Variants in CADM2 observed in about 807,000 individuals in gnomAD.
The protein encoded by CADM2 is immunoglobulin superfamily member 4D.
A neutral mutation model predicts 49.8 loss-of-function variants in CADM2; 12 were observed. That is an observed-to-expected ratio of 0.24 (90% CI 0.15 to 0.39). The LOEUF (loss-of-function observed/expected upper bound fraction) is 0.39, where lower values mean the gene tolerates loss of function less well. CADM2 is among the 10% of genes least tolerant of loss of function. The probability of loss-of-function intolerance (pLI) is 1.00; values close to 1 mark genes in which losing one functional copy is unlikely to be tolerated. For missense variants in CADM2, 378 were observed against 492.3 expected, an observed-to-expected ratio of 0.77 and a Z score of 2.20; for synonymous variants, 214 against 175.4, an observed-to-expected ratio of 1.22 and a Z score of -1.74.
rs1228852713 is a variant in CADM2 at position 86,017,734 on chromosome 3, A to C, written c.971-47871A>C. Reference sequence around the variant, plus strand: ...CACCAGGAGACCCTGTCTCCAAAAAAAAAAAAAGAAAGAAAAAGAAGAAGA... The same window carrying C: ...CACCAGGAGACCCTGTCTCCAAAAACAAAAAAAGAAAGAAAAAGAAGAAGA... On this transcript the variant is annotated intron_variant, in intron 8 of 9. Coordinates refer to ENST00000383699, the MANE Select transcript of CADM2 (RefSeq NM_001167675.2). Among the ~76,000 whole-genome samples, 5 of 151,562 alleles carry C rather than the reference A, an allele frequency of 3.3e-5. No individual in the cohort carries two copies. The South Asian group carries it at 1.0e-3, about 31-fold the overall frequency.
At chr3:85,407,280 C>T (rs1055746392) in intron 1 of CADM2, among the ~76,000 whole-genome samples, 1 of 152,110 alleles carries the variant, frequency 6.6e-6, no homozygotes, top group Non-Finnish European at 1.5e-5. Context: ...AATATAGAGC[C>T]AAATTAATAT....
chr3:85,261,444 G>A (rs919145707), intron 1 of CADM2, among the ~76,000 whole-genome samples: 2 of 152,026 alleles, frequency 1.3e-5, no homozygotes, highest in Non-Finnish European at 2.9e-5. Flanking sequence ...TCTGATCAGT[G>A]TTTATCATAA....
chr3:85,431,076 A>G (rs1224623494), intron 1 of CADM2, among the ~76,000 whole-genome samples: 2 of 152,138 alleles, frequency 1.3e-5, no homozygotes, highest in African/African-American at 4.8e-5. Context: ...TTTTTACTGT[A>G]CCTTTTCTAT....
Position 85,947,551 on chromosome 3 carries a change from GA to G in CADM2, c.791+11704del, listed in dbSNP as rs903510966. Among the ~76,000 whole-genome samples the G allele has an allele frequency of 1.3e-3, 185 of 147,388 alleles. 3 individuals are homozygous for G. The Middle Eastern group carries it at 0.014, about 11-fold the overall frequency. On this transcript the variant is annotated intron_variant, in intron 7 of 9. Coordinates refer to ENST00000383699, the MANE Select transcript of CADM2 (RefSeq NM_001167675.2). ...AAATTCATTCTAAATTTTCAAAATT[GA>G]AAAAAAAAATGTGTGCAGTCCTTTC... is the stretch of plus-strand genomic sequence containing the variant.
chr3:84,978,810 T>G (rs996002278), intron 1 of CADM2, among the ~76,000 whole-genome samples: 3 of 152,336 alleles, frequency 2.0e-5, no homozygotes, highest in African/African-American at 7.2e-5. Flanking sequence ...AGGGGAAATT[T>G]TACATAAGAA....
intron 2 of CADM2, among the ~76,000 whole-genome samples, chr3:85,746,477 A>G (rs2068625834): frequency 6.6e-6 from 1 of 152,080 alleles, no homozygotes; most frequent in African/African-American, 2.4e-5. Flanking sequence ...ATATAACTGC[A>G]TTTTTCTAAA....
At chr3:85,366,805 C>A (rs2032820510) in intron 1 of CADM2, among the ~76,000 whole-genome samples, 2 of 151,852 alleles carry the variant, frequency 1.3e-5, no homozygotes, top group South Asian at 4.2e-4. Flanking sequence ...AATTTTATGT[C>A]AATCTTTTAT....
intron 1 of CADM2, among the ~76,000 whole-genome samples, chr3:85,557,232 C>T (rs1422550262): frequency 1.3e-5 from 2 of 151,728 alleles, no homozygotes; most frequent in East Asian, 1.9e-4. Context: ...AATGTATATA[C>T]ACATATATTT....
chr3:85,381,811 A>T (rs1376287907), intron 1 of CADM2, among the ~76,000 whole-genome samples: 1 of 151,928 alleles, frequency 6.6e-6, no homozygotes, highest in African/African-American at 2.4e-5. Context: ...TGTTGTAAGG[A>T]TGTCTCTACC....
At chr3:85,922,066 C>G (rs1322086705) in intron 6 of CADM2, among the ~76,000 whole-genome samples, 1 of 152,022 alleles carries the variant, frequency 6.6e-6, no homozygotes, top group African/African-American at 2.4e-5. Context: ...GATGATTCTG[C>G]TGCTGCTGCA....
chr3:85,493,097 A>C (rs2039744982), intron 1 of CADM2, among the ~76,000 whole-genome samples: 1 of 152,162 alleles, frequency 6.6e-6, no homozygotes, highest in African/African-American at 2.4e-5. Context: ...TCTGCTTTTT[A>C]AATTGGATAC....
intron 1 of CADM2, among the ~76,000 whole-genome samples, chr3:85,236,158 G>A (rs183360903): frequency 1.2e-4 from 18 of 152,144 alleles, no homozygotes; most frequent in African/African-American, 3.6e-4. Flanking sequence ...ACATCCATCC[G>A]TGCACTAGCT....
At chr3:85,878,854 CTCTG>C (rs1199341628) in intron 3 of CADM2, among the ~76,000 whole-genome samples, 1 of 152,000 alleles carries the variant, frequency 6.6e-6, no homozygotes, top group Non-Finnish European at 1.5e-5. Flanking sequence ...GAATTGTAAG[CTCTG>C]TCTGTGTCAG....
intron 1 of CADM2, among the ~76,000 whole-genome samples, chr3:85,364,899 CAACAACAAT>C (rs1314716429): frequency 1.8e-5 from 2 of 108,436 alleles, no homozygotes; most frequent in African/African-American, 2.6e-5. Context: ...ACAACAACAA[CAACAACAAT>C]AAACTAGAAG....
At chr3:85,320,564 T>C (rs867793399) in intron 1 of CADM2, among the ~76,000 whole-genome samples, 8 of 152,160 alleles carry the variant, frequency 5.3e-5, no homozygotes, top group African/African-American at 1.9e-4. Flanking sequence ...AGGTAGCAGA[T>C]GCACAACAGG....
At chr3:85,309,307 A>G (rs1462888549) in intron 1 of CADM2, among the ~76,000 whole-genome samples, 2 of 152,084 alleles carry the variant, frequency 1.3e-5, no homozygotes, top group East Asian at 3.9e-4. Flanking sequence ...CAACTTTTCC[A>G]CTTATAATTT....
rs531337515 is a variant in CADM2, at chr3:85,001,563, T to C, written c.61+41895T>C. ...CAGAAAGGCAAGTGATATTTTTTGC[T>C]CACCTAGAGATGGTCATTTGTTAAT... On this transcript the variant is annotated intron_variant, in intron 1 of 9. Transcript: ENST00000383699. Among the ~76,000 whole-genome samples the C allele has an allele frequency of 1.9e-4, 29 of 152,190 alleles. No homozygotes were observed. In the South Asian group the frequency reaches 6.0e-3, roughly 32 times the overall value.
chr3:85,689,609 C>A (rs2066322358), intron 1 of CADM2, among the ~76,000 whole-genome samples: 1 of 152,072 alleles, frequency 6.6e-6, no homozygotes, highest in Non-Finnish European at 1.5e-5. Context: ...GATTGAAAAA[C>A]AATATGGATT....
chr3:85,740,649 G>A (rs1015022519), intron 2 of CADM2, among the ~76,000 whole-genome samples: 1 of 151,968 alleles, frequency 6.6e-6, no homozygotes. Context: ...ACCAGATCCT[G>A]CAGGTTTTAA....
Sources: gnomAD v4.1 joint callset for allele counts (sites outside exome capture counted in the v4.1 genomes callset) on GRCh38, gnomAD v4.1.1 for gene constraint, MANE v1.5 for transcripts, NCBI Gene and HGNC (gene_info 2026-07-23, HGNC 2026-07-21) for gene names.